INSYN2A: variants seen among roughly 807,000 people sequenced by gnomAD.
INSYN2A encodes the protein family with sequence similarity 196 member A.
A neutral mutation model predicts 39.4 loss-of-function variants in INSYN2A; 17 were observed. The observed-to-expected ratio is 0.43, with a 90% CI of 0.30 to 0.65. INSYN2A has a LOEUF of 0.65. Ranked by LOEUF, INSYN2A falls within the 30% of genes least tolerant of loss-of-function variation. INSYN2A has a pLI of 0.14. For missense variants in INSYN2A, 595 were observed against 631.2 expected (o/e 0.94, Z 0.61); for synonymous variants, 255 against 265.7 (o/e 0.96, Z 0.39).
At chr10:127,152,936 C>T (rs1364952717) in intron 5 of INSYN2A, among the ~76,000 whole-genome samples, 1 of 152,184 alleles carries the variant, frequency 6.6e-6, no homozygotes, top group Non-Finnish European at 1.5e-5. Context: ...CTAGGCTTTC[C>T]CTTGGGAGAG....
At chr10:127,187,153 T>G (rs1413079584) in intron 2 of INSYN2A, among the ~76,000 whole-genome samples, 1 of 152,260 alleles carries the variant, frequency 6.6e-6, no homozygotes, top group East Asian at 1.9e-4. Context: ...ACCCAACACA[T>G]AACACATTAA....
chr10:127,195,398 G>A (rs1800049701), intron 1 of INSYN2A, among the ~76,000 whole-genome samples: 2 of 152,210 alleles, frequency 1.3e-5, no homozygotes, highest in South Asian at 2.1e-4. Context: ...ACCCCAACCC[G>A]CAGCCCCGGG....
chr10:127,192,833 A>G (rs557605919), intron 1 of INSYN2A, 103 bp from the exon 2 acceptor site: 1 of 152,348 alleles, frequency 6.6e-6, no homozygotes, highest in South Asian at 2.1e-4. Context: ...GTTTACAGCA[A>G]TCCTGTCAGG....
rs2050833465 is a variant in INSYN2A at position 127,137,851 on chromosome 10, G to A, written c.1426C>T (p.Leu476Phe). The change falls in exon 6 of 6, where the codon CTC becomes TTC. Residue 476 changes from leucine (L) to phenylalanine (F), a missense_variant. Leu to Phe is a conservative substitution (Grantham distance 22, BLOSUM62 0). Transcript: ENST00000522781. The part of the protein sequence containing the change: ...TESKKHGRWK[L>F]WFL ...CACCGTGAGTGTTAAAGGAACCAGA[G>A]TTTCCATCTTCCGTGCTTTTTAGAT... 11 of 1,613,796 alleles carry A rather than the reference G, an allele frequency of 6.8e-6. No individual in the cohort carries two copies. Among genetic ancestry groups the A allele is most frequent in the Non-Finnish European group, 8.5e-6 (10 of 1,179,938 alleles).
At chr10:127,143,637 C>T (rs1021000711) in intron 5 of INSYN2A, among the ~76,000 whole-genome samples, 2 of 152,166 alleles carry the variant, frequency 1.3e-5, no homozygotes, top group Admixed American at 6.5e-5. Flanking sequence ...CTGACATTGG[C>T]GCCAACTTGG....
chr10:127,147,263 C>T (rs560327821), intron 5 of INSYN2A, among the ~76,000 whole-genome samples: 5 of 152,198 alleles, frequency 3.3e-5, no homozygotes, highest in South Asian at 2.1e-4. Flanking sequence ...TCACGGGTCG[C>T]GAGGTTTCCC....
chr10:127,158,612 T>A (rs556433719), intron 4 of INSYN2A, among the ~76,000 whole-genome samples: 36 of 152,298 alleles, frequency 2.4e-4, no homozygotes, highest in African/African-American at 8.7e-4. Context: ...TTTTCATAAG[T>A]CCAGAATAAC....
chr10:127,138,321 T>C, intron 5 of INSYN2A, among the ~76,000 whole-genome samples: 1 of 152,124 alleles, frequency 6.6e-6, no homozygotes, highest in Non-Finnish European at 1.5e-5. Context: ...AATAACCCCA[T>C]TGTTTGTCCA....
chr10:127,138,136 T>C, intron 5 of INSYN2A, 116 bp from the exon 6 acceptor site: 2 of 897,724 alleles, frequency 2.2e-6, no homozygotes, highest in Non-Finnish European at 3.4e-6. Flanking sequence ...AATTTTATGG[T>C]TTAATAATAG....
At chr10:127,179,497 G>C (rs1013275965) in intron 2 of INSYN2A, among the ~76,000 whole-genome samples, 8 of 152,154 alleles carry the variant, frequency 5.3e-5, no homozygotes, top group African/African-American at 1.9e-4. Context: ...TTTTGTGGCT[G>C]GTTTATTTTG....
At chr10:127,182,541 G>A (rs2055837725) in intron 2 of INSYN2A, among the ~76,000 whole-genome samples, 1 of 152,078 alleles carries the variant, frequency 6.6e-6, no homozygotes, top group South Asian at 2.1e-4. Flanking sequence ...GTTAACCTTT[G>A]CTCATCCTGC....
At chr10:127,185,159 A>AT (rs2056112054) in intron 2 of INSYN2A, among the ~76,000 whole-genome samples, 1 of 152,162 alleles carries the variant, frequency 6.6e-6, no homozygotes, top group Admixed American at 6.5e-5. Flanking sequence ...TAACACAAAT[A>AT]TAAGTGTTCT....
chr10:127,138,885 A>C (rs1240846626), intron 5 of INSYN2A, among the ~76,000 whole-genome samples: 2 of 152,232 alleles, frequency 1.3e-5, no homozygotes, highest in Non-Finnish European at 1.5e-5. Flanking sequence ...GTCTTTGAAA[A>C]GGACCACATT....
chr10:127,190,332 CGGTGT>C (rs2056629067), intron 2 of INSYN2A, among the ~76,000 whole-genome samples: 1 of 152,152 alleles, frequency 6.6e-6, no homozygotes, highest in Non-Finnish European at 1.5e-5. Context: ...TGCCTTCTCA[CGGTGT>C]TTCCTTTAAT....
intron 2 of INSYN2A, among the ~76,000 whole-genome samples, chr10:127,189,207 A>G (rs747053262): frequency 5.9e-5 from 9 of 152,246 alleles, no homozygotes; most frequent in Non-Finnish European, 1.2e-4. Flanking sequence ...TCTTAGACTT[A>G]TACTTTAAAG....
intron 2 of INSYN2A, among the ~76,000 whole-genome samples, chr10:127,188,362 A>AAT (rs1223668477): frequency 3.3e-5 from 5 of 152,186 alleles, no homozygotes. Context: ...CCATAGTAGG[A>AAT]ATAGGGCATA....
intron 4 of INSYN2A, among the ~76,000 whole-genome samples, chr10:127,154,674 C>G (rs1013888524): frequency 1.1e-4 from 16 of 152,192 alleles, no homozygotes; most frequent in African/African-American, 3.6e-4. Flanking sequence ...GTTACTTTCC[C>G]TGGCTTTATT....
At chr10:127,145,627 T>A (rs867694008) in intron 5 of INSYN2A, among the ~76,000 whole-genome samples, 8 of 152,172 alleles carry the variant, frequency 5.3e-5, no homozygotes, top group Admixed American at 1.3e-4. Context: ...CTTGCCTGCC[T>A]GTCTCCTTTT....
At chr10:127,145,197 G>A (rs1188154890) in intron 5 of INSYN2A, among the ~76,000 whole-genome samples, 1 of 152,116 alleles carries the variant, frequency 6.6e-6, no homozygotes, top group African/African-American at 2.4e-5. Context: ...CAGGTCAGAT[G>A]CACAGGGGTC....
Sources: allele counts gnomAD v4.1 joint callset (sites outside exome capture counted in the v4.1 genomes callset), GRCh38; gene constraint gnomAD v4.1.1; transcripts MANE v1.5; gene names NCBI Gene and HGNC (gene_info 2026-07-23, HGNC 2026-07-21).